The following WDR43 variants were observed in gnomAD, a reference collection of about 807,000 sequenced individuals.
The protein encoded by WDR43 is WD repeat domain 43.
Under a neutral mutation model 91.4 loss-of-function variants are expected in WDR43, and 13 were observed. The ratio of observed to expected loss-of-function variants is 0.14; its 90% CI spans 0.09 to 0.23. The LOEUF is 0.23. Ranked by LOEUF, WDR43 falls within the 10% of genes least tolerant of loss-of-function variation. The probability of loss-of-function intolerance (pLI) is 1.00; values close to 1 mark genes in which losing one functional copy is unlikely to be tolerated. For missense variants in WDR43, 780 were observed against 809.4 expected, an observed-to-expected ratio of 0.96 and a Z score of 0.44; for synonymous variants, 331 against 287.9, an observed-to-expected ratio of 1.15 and a Z score of -1.51.
intron 16 of WDR43, among the ~76,000 whole-genome samples, chr2:28,944,087 A>G (rs747706568): frequency 4.6e-5 from 7 of 152,168 alleles, no homozygotes; most frequent in East Asian, 1.9e-4. Context: ...CCGCTTTTCA[A>G]TCGGTCATCT....
At chr2:28,927,796 T>C (rs897070443) in intron 10 of WDR43, 96 bp downstream of exon 10, 8 of 1,495,358 alleles carry the variant, frequency 5.3e-6, no homozygotes, top group South Asian at 3.9e-5. Context: ...GTTAAATCTT[T>C]AGAAATTTAC....
At chr2:28,915,543 A>T (rs1282818090) in intron 5 of WDR43, among the ~76,000 whole-genome samples, 1 of 152,248 alleles carries the variant, frequency 6.6e-6, no homozygotes, top group East Asian at 1.9e-4. Flanking sequence ...TGTCTATTAT[A>T]TGTGGGTGCT....
chr2:28,903,696 T>C lies in WDR43; in HGVS notation c.363+1572T>C, dbSNP rs143099709. Among the ~76,000 whole-genome samples the C allele has an allele frequency of 5.9e-5, 9 of 152,310 alleles. No homozygotes were observed. In the East Asian group the frequency reaches 1.5e-3, roughly 26 times the overall value. ...TCCTCAGGTGAGCTCTTACACCTACTATAGGTAGGAGCCTATCCTTTAATT... is the reference window on the plus strand; with the variant it reads ...TCCTCAGGTGAGCTCTTACACCTACCATAGGTAGGAGCCTATCCTTTAATT... On this transcript the variant is annotated intron_variant, in intron 2 of 17. Coordinates refer to ENST00000407426, the MANE Select transcript of WDR43 (RefSeq NM_015131.3).
chr2:28,942,398 T>C lies in WDR43; in HGVS notation c.1804+17T>C. 1 of 1,609,382 alleles carries C rather than the reference T, an allele frequency of 6.2e-7. No individual in the cohort carries two copies. Among genetic ancestry groups the C allele is most frequent in the Non-Finnish European group, 8.5e-7 (1 of 1,176,774 alleles). ...ATGAAGAAGGTAAAGACTGGGGGAA[T>C]GGGATGGAGTCTAGAATTATAACAT... On this transcript the variant is annotated intron_variant, in intron 16 of 17. Coordinates refer to ENST00000407426, the MANE Select transcript of WDR43 (RefSeq NM_015131.3).
At chr2:28,926,266 C>T (rs1671138551) in intron 8 of WDR43, among the ~76,000 whole-genome samples, 1 of 152,128 alleles carries the variant, frequency 6.6e-6, no homozygotes, top group East Asian at 1.9e-4. Context: ...TCAGAATTAC[C>T]ATTTTTCTTA....
intron 3 of WDR43, among the ~76,000 whole-genome samples, chr2:28,910,076 C>G (rs1670760622): frequency 6.6e-6 from 1 of 152,184 alleles, no homozygotes; most frequent in African/African-American, 2.4e-5. Flanking sequence ...CTTGTGCATA[C>G]AGATCTGATT....
At chr2:28,907,481 G>A (rs72784091) in intron 3 of WDR43, among the ~76,000 whole-genome samples, 11,262 of 148,724 alleles carry the variant, frequency 0.076, 515 homozygotes, top group East Asian at 0.091. Flanking sequence ...GGGTGTGGTG[G>A]CATGCATGGC....
intron 14 of WDR43, among the ~76,000 whole-genome samples, chr2:28,940,418 T>G (rs1671414428): frequency 6.6e-6 from 1 of 151,880 alleles, no homozygotes; most frequent in Admixed American, 6.6e-5. Context: ...TTAGTAGAGA[T>G]GGGGTTTCTC....
At position 28,947,803 on chromosome 2, in the gene WDR43, T is replaced by C. The variant is rs1671574017; in HGVS notation, c.*1024T>C. 6.6e-6 allele frequency: 1 copy of C among 151,754 alleles called. No homozygotes were observed. Among genetic ancestry groups the C allele is most frequent in the Non-Finnish European group, 1.5e-5 (1 of 67,932 alleles). The allele number at this position is 151,754 out of a possible 1,614,324, so 9.4% of individuals were successfully genotyped here. A position where few individuals can be genotyped will look rare whatever the true frequency, so the allele number is the denominator to read the frequency against. ...TAAAATGATAAGTCTCACTCAAGAT[T>C]TTTTATGTATGTATAAATATTTTGG... is the stretch of plus-strand genomic sequence containing the variant. On this transcript the variant is annotated 3_prime_UTR_variant, in exon 18 of 18. Transcript: ENST00000407426.
At chr2:28,907,714 G>A (rs1403937812) in intron 3 of WDR43, among the ~76,000 whole-genome samples, 1 of 152,124 alleles carries the variant, frequency 6.6e-6, no homozygotes, top group Admixed American at 6.5e-5. Context: ...GACCATCCTG[G>A]CTAACATGGG....
At chr2:28,899,597 G>C (rs2148177085) in intron 1 of WDR43, among the ~76,000 whole-genome samples, 1 of 152,302 alleles carries the variant, frequency 6.6e-6, no homozygotes, top group South Asian at 2.1e-4. Context: ...TTATTCTCTG[G>C]AGAGTCATTG....
intron 3 of WDR43, among the ~76,000 whole-genome samples, chr2:28,911,318 G>A (rs1204895918): frequency 2.7e-5 from 4 of 150,500 alleles, no homozygotes; most frequent in African/African-American, 9.8e-5. Flanking sequence ...TTTTGAGACG[G>A]AGTCTTGCTC....
chr2:28,937,160 T>C (rs1671350131), intron 13 of WDR43, among the ~76,000 whole-genome samples: 2 of 152,214 alleles, frequency 1.3e-5, no homozygotes, highest in Non-Finnish European at 2.9e-5. Flanking sequence ...ACTTTAGCTT[T>C]ATTAGCAGGT....
chr2:28,944,244 AG>A (rs1261030979), intron 16 of WDR43, among the ~76,000 whole-genome samples: 1 of 151,222 alleles, frequency 6.6e-6, no homozygotes, highest in Non-Finnish European at 1.5e-5. Context: ...TTTCAATTTT[AG>A]TGTATGTGCT....
chr2:28,894,852 T>G lies in WDR43; in HGVS notation c.154T>G (p.Tyr52Asp). 3 of 1,610,842 alleles carry G rather than the reference T, an allele frequency of 1.9e-6. No homozygotes were observed. The highest frequency in any genetic ancestry group is 2.5e-6 in the Non-Finnish European group (3 of 1,178,744). ...GGCCAACAACCGGCTGCACCAGGAG[T>G]ACGTGCCTTCCGCGCACCTCAGTGG... ...ETANNRLHQE[Y>D]VPSAHLSGTC... The change falls in exon 1 of 18, where the codon TAC becomes GAC. Residue 52 changes from tyrosine (Y) to aspartate (D), a missense_variant. Physicochemically the swap from Tyr to Asp is radical, Grantham distance 160. Transcript: ENST00000407426.
chr2:28,934,141 C>T (rs1324127808), intron 11 of WDR43, among the ~76,000 whole-genome samples: 1 of 152,070 alleles, frequency 6.6e-6, no homozygotes, highest in Non-Finnish European at 1.5e-5. Context: ...TATTAATAGA[C>T]CAGTAGTATT....
intron 5 of WDR43, 73 bp downstream of exon 5, chr2:28,914,281 A>T: frequency 6.8e-7 from 1 of 1,470,640 alleles, no homozygotes; most frequent in Middle Eastern, 1.8e-4. Flanking sequence ...AATGTAAATT[A>T]TGAATATGGG....
chr2:28,942,566 A>G (rs1408802359), intron 16 of WDR43, among the ~76,000 whole-genome samples, 185 bp downstream of exon 16: 1 of 152,068 alleles, frequency 6.6e-6, no homozygotes, highest in Non-Finnish European at 1.5e-5. Flanking sequence ...AGGCACAAGT[A>G]TAATACAGTG....
At chr2:28,898,179 C>T (rs979498710) in intron 1 of WDR43, among the ~76,000 whole-genome samples, 32 of 152,184 alleles carry the variant, frequency 2.1e-4, no homozygotes, top group African/African-American at 7.7e-4. Context: ...CTGCTATTGG[C>T]TATCACAGTA....
Sources: gnomAD v4.1 joint callset for allele counts (sites outside exome capture counted in the v4.1 genomes callset) on GRCh38, gnomAD v4.1.1 for gene constraint, MANE v1.5 for transcripts, NCBI Gene and HGNC (gene_info 2026-07-23, HGNC 2026-07-21) for gene names.